Variants in TMEM164 observed in about 807,000 individuals in gnomAD.
TMEM164 encodes the protein RP13-360B22.2.
In TMEM164, 4 loss-of-function variants were observed where a neutral mutation model predicts 18.8. The ratio of observed to expected loss-of-function variants is 0.21; its 90% CI spans 0.10 to 0.49. The LOEUF (loss-of-function observed/expected upper bound fraction) is 0.49. TMEM164 is among the 20% of genes least tolerant of loss of function. TMEM164 has a pLI of 0.98. For missense variants in TMEM164, 108 were observed against 239.9 expected, an observed-to-expected ratio of 0.45 and a Z score of 3.63; for synonymous variants, 86 against 101.7, an observed-to-expected ratio of 0.85 and a Z score of 0.93.
chrX:110,157,744 A>G (rs758659152), intron 5 of TMEM164, among the ~76,000 whole-genome samples: 9 of 112,407 alleles, frequency 8.0e-5, no homozygotes, highest in Non-Finnish European at 1.7e-4. Flanking sequence ...TATATCCTAT[A>G]TCTGTTCTAT....
At chrX:110,012,480 A>T (rs1185288470) in intron 2 of TMEM164, among the ~76,000 whole-genome samples, 4 of 111,910 alleles carry the variant, frequency 3.6e-5, no homozygotes, top group Non-Finnish European at 7.5e-5. Context: ...CCCTAACATT[A>T]TATCTAATTG....
chrX:110,079,895 G>T (rs1428555974), intron 3 of TMEM164, among the ~76,000 whole-genome samples: 1 of 109,568 alleles, frequency 9.1e-6, no homozygotes, highest in African/African-American at 3.3e-5. Flanking sequence ...ACGAGTTAAT[G>T]GTTGCAGCAC....
chrX:110,055,924 A>C (rs1399570228), intron 2 of TMEM164, among the ~76,000 whole-genome samples: 2 of 111,155 alleles, frequency 1.8e-5, no homozygotes, highest in African/African-American at 6.6e-5. Context: ...ATGATGATGC[A>C]GGAGGGGAGG....
intron 2 of TMEM164, among the ~76,000 whole-genome samples, chrX:110,054,880 A>G (rs1397583882): frequency 8.9e-6 from 1 of 112,165 alleles, no homozygotes; most frequent in African/African-American, 3.2e-5. Context: ...AGAGACCTTT[A>G]TAGAGATGAG....
chrX:110,083,306 C>T (rs1207561971), intron 3 of TMEM164, among the ~76,000 whole-genome samples: 2 of 111,532 alleles, frequency 1.8e-5, no homozygotes, highest in Non-Finnish European at 3.8e-5. Flanking sequence ...TATTTGAGCA[C>T]CATTCATCAA....
chrX:110,146,790 T>G (rs1204565768), intron 5 of TMEM164, among the ~76,000 whole-genome samples: 1 of 112,206 alleles, frequency 8.9e-6, no homozygotes, highest in Non-Finnish European at 1.9e-5. Context: ...GAGAAACATC[T>G]GGATTTCTTC....
At chrX:110,088,739 A>T (rs2065887391) in intron 3 of TMEM164, among the ~76,000 whole-genome samples, 1 of 112,097 alleles carries the variant, frequency 8.9e-6, no homozygotes, top group Non-Finnish European at 1.9e-5. Context: ...ACCTTTACAT[A>T]TACTCAGTTT....
Position 110,118,745 on chromosome X carries a change from G to A in TMEM164, c.507+9599G>A, listed in dbSNP as rs57376760. Among the ~76,000 whole-genome samples, 27 of 110,950 alleles carry A rather than the reference G, an allele frequency of 2.4e-4. 2 individuals are homozygous for A. In the East Asian group the frequency reaches 6.5e-3, roughly 27 times the overall value. ...AAAATGTGTAATGGAGTCAAAGTCC[G>A]AAGAACCAAGCAGTAGATTGTAGAG... On this transcript the variant is annotated intron_variant, in intron 4 of 6. Coordinates refer to ENST00000372068, the MANE Select transcript of TMEM164 (RefSeq NM_032227.4).
intron 3 of TMEM164, among the ~76,000 whole-genome samples, chrX:110,070,293 G>T (rs1175028965): frequency 3.6e-5 from 4 of 111,152 alleles, no homozygotes; most frequent in African/African-American, 9.8e-5. Flanking sequence ...TGCAGCCTGG[G>T]GAACAGAGTG....
intron 2 of TMEM164, among the ~76,000 whole-genome samples, chrX:110,010,452 G>A (rs1219280577): frequency 8.9e-6 from 1 of 112,879 alleles, no homozygotes; most frequent in African/African-American, 3.2e-5. Context: ...GATGTGGAAA[G>A]CGGTGATTGT....
intron 4 of TMEM164, among the ~76,000 whole-genome samples, chrX:110,143,804 G>GGTGTGTGTGTGT (rs759024255): frequency 4.9e-5 from 5 of 103,054 alleles, no homozygotes; most frequent in African/African-American, 1.8e-4. Flanking sequence ...CATACTTTGG[G>GGTGTGTGTGTGT]GTGTGTGTGT....
intron 4 of TMEM164, among the ~76,000 whole-genome samples, chrX:110,135,566 T>C (rs997435748): frequency 8.9e-6 from 1 of 112,192 alleles, no homozygotes; most frequent in Admixed American, 9.5e-5. Flanking sequence ...ATTGACAAAT[T>C]GTTCTCCAGA....
chrX:110,090,352 C>T (rs2065907711), intron 3 of TMEM164, among the ~76,000 whole-genome samples: 2 of 106,951 alleles, frequency 1.9e-5, no homozygotes, highest in African/African-American at 3.5e-5. Context: ...GTTGCCCAGG[C>T]TAGAGTGTAG....
intron 2 of TMEM164, among the ~76,000 whole-genome samples, chrX:110,022,434 G>A (rs949702377): frequency 9.0e-6 from 1 of 111,485 alleles, no homozygotes; most frequent in African/African-American, 3.3e-5. Context: ...ACAGCTTGTA[G>A]GATGGGTGCC....
At chrX:110,103,393 G>A (rs761707053) in intron 3 of TMEM164, among the ~76,000 whole-genome samples, 1 of 111,867 alleles carries the variant, frequency 8.9e-6, no homozygotes, top group South Asian at 3.7e-4. Context: ...GGCAGGGCAG[G>A]ACAGGGTGAA....
intron 2 of TMEM164, among the ~76,000 whole-genome samples, chrX:110,034,200 GT>G (rs2147763509): frequency 8.9e-6 from 1 of 112,117 alleles, no homozygotes; most frequent in African/African-American, 3.2e-5. Context: ...GGTGTTCTGT[GT>G]TTTACTAGTT....
intron 2 of TMEM164, among the ~76,000 whole-genome samples, chrX:110,063,259 G>A (rs1936192524): frequency 8.9e-6 from 1 of 112,089 alleles, no homozygotes; most frequent in African/African-American, 3.2e-5. Context: ...AGGATGGCCT[G>A]TGGTCACTGG....
intron 3 of TMEM164, among the ~76,000 whole-genome samples, chrX:110,092,726 G>T (rs900385635): frequency 2.7e-5 from 3 of 111,609 alleles, no homozygotes; most frequent in African/African-American, 9.8e-5. Context: ...GATTGCCCTG[G>T]CCAGAGCTTC....
intron 2 of TMEM164, among the ~76,000 whole-genome samples, chrX:110,012,633 G>C (rs753176354): frequency 1.8e-5 from 2 of 111,932 alleles, no homozygotes; most frequent in South Asian, 3.7e-4. Context: ...GACCCCCAGG[G>C]TTTCATATTA....
Sources: gnomAD v4.1 joint callset for allele counts (sites outside exome capture counted in the v4.1 genomes callset) on GRCh38, gnomAD v4.1.1 for gene constraint, MANE v1.5 for transcripts, NCBI Gene and HGNC (gene_info 2026-07-23, HGNC 2026-07-21) for gene names.